Variants in DHX38 observed in about 807,000 individuals in gnomAD.
DHX38 encodes DEAH-box helicase 38.
Under a neutral mutation model 153.1 loss-of-function variants are expected in DHX38, and 100 were observed. That is an observed-to-expected ratio of 0.65 (90% CI 0.56 to 0.77). The LOEUF (loss-of-function observed/expected upper bound fraction) is 0.77, where lower values mean the gene tolerates loss of function less well. Ranked by LOEUF, DHX38 falls within the 30% of genes least tolerant of loss-of-function variation. DHX38 has a pLI of 0.00. For synonymous variants in DHX38, 650 were observed against 631.7 expected, an observed-to-expected ratio of 1.03 and a Z score of -0.43; for missense variants, 1,440 against 1,654.0, an observed-to-expected ratio of 0.87 and a Z score of 2.24.
At chr16:72,109,596 CCAA>C in intron 25 of DHX38, 86 bp downstream of exon 25, 10 of 1,263,096 alleles carry the variant, frequency 7.9e-6, no homozygotes, top group Non-Finnish European at 1.1e-5. Flanking sequence ...TTGCGGTCAT[CCAA>C]CCCACTTACT....
rs2042270973 is a variant in DHX38, at chr16:72,112,510, C to G, written c.*13C>G. On this transcript the variant is annotated 3_prime_UTR_variant, in exon 27 of 27. Transcript: ENST00000268482. ...CTTTGGTCTGTGAGCTGAGGCTGTC[C>G]CCAGAGAGGATGGCAGCAGGTATTG... The G allele has an allele frequency of 1.2e-6, 2 of 1,611,432 alleles. No homozygotes were observed. Among genetic ancestry groups the G allele is most frequent in the Non-Finnish European group, 1.7e-6 (2 of 1,179,924 alleles).
In DHX38 at chr16:72,104,299, C is replaced by G. The variant is rs943359439; in HGVS notation, c.2010+168C>G. On this transcript the variant is annotated intron_variant, in intron 14 of 26. Coordinates refer to ENST00000268482, the MANE Select transcript of DHX38 (RefSeq NM_014003.4). The surrounding 1 kb of genome is among the most constrained non-coding windows in gnomAD (Gnocchi z 4.5). Reference sequence around the variant, plus strand: ...GGTTGTAGTTCATGCTGTTCTTGCTCTGCTGAGGGTGGCTTGGGGTTTTCT... The same window carrying G: ...GGTTGTAGTTCATGCTGTTCTTGCTGTGCTGAGGGTGGCTTGGGGTTTTCT... 5.9e-6 allele frequency: 7 copies of G among 1,186,458 alleles called. No individual in the cohort carries two copies. In the South Asian group the frequency reaches 6.2e-5, roughly 11 times the overall value. The allele number at this position is 1,186,458 out of a possible 1,614,324, so 73.5% of individuals were successfully genotyped here.
At chr16:72,111,154 G>T in intron 26 of DHX38, 77 bp downstream of exon 26, 1 of 1,464,304 alleles carries the variant, frequency 6.8e-7, no homozygotes, top group Non-Finnish European at 9.0e-7. Context: ...CCTGATGCAG[G>T]GTCAGGATTT....
rs540884444 is a variant in DHX38, at chr16:72,104,754, A to C, written c.2151+128A>C. On this transcript the variant is annotated intron_variant, in intron 15 of 26. Coordinates refer to ENST00000268482, the MANE Select transcript of DHX38 (RefSeq NM_014003.4). This position sits in a 1 kb window ranked among gnomAD's most constrained non-coding sequence, Gnocchi z 4.5. The stretch of plus-strand genomic sequence containing the variant: ...AAGATTTCCTGGGGACCATGGGGCA[A>C]ATGGGGCAGCCTGCAGCTCTGGGAC... The C allele has an allele frequency of 4.5e-6, 6 of 1,337,320 alleles. No homozygotes were observed. Among genetic ancestry groups the C allele is most frequent in the Non-Finnish European group, 6.2e-6 (6 of 960,458 alleles). 82.8% of individuals were successfully genotyped at this position (1,337,320 alleles called of 1,614,324 possible).
chr16:72,103,496 C>T, intron 12 of DHX38, 106 bp from the exon 13 acceptor site: 8 of 1,304,500 alleles, frequency 6.1e-6, no homozygotes, highest in African/African-American at 1.5e-5. Flanking sequence ...CCGGCATGCT[C>T]CCTGGATAGC....
rs557516542 is a variant in DHX38 at position 72,100,551 on chromosome 16, A to G, written c.1232A>G (p.Asn411Ser). ...NAAKVHLMVH[N>S]LVPPFLDGRI... The stretch of plus-strand genomic sequence containing the variant: ...GCCAAGGTGCATCTGATGGTGCACA[A>G]TCTGGTGCCTCCCTTTCTGGATGGG... Residue 411 changes from asparagine (N) to serine (S), a missense_variant, in exon 9 of 27, where the codon AAT (asparagine) becomes AGT (serine). By Grantham distance (46) the Asn-to-Ser change is conservative. This residue lies in a region of DHX38 where 77 missense variants were observed against 125.4 expected (regional missense o/e 0.61). Transcript: ENST00000268482. The G allele has an allele frequency of 1.2e-5, 20 of 1,614,136 alleles. No individual in the cohort carries two copies. Among genetic ancestry groups the G allele is most frequent in the East Asian group, 2.2e-5 (1 of 44,864 alleles).
chr16:72,111,002 A>C lies in DHX38; in HGVS notation c.3524A>C (p.Glu1175Ala). ...GAGGAAGCCTCTGCCATGGAGGAGG[A>C]GATGGCGCTGGCCGAGGAGCAGCTG... ...AKEEASAMEEEMALAEEQLRA... is the reference protein window; with the variant it reads ...AKEEASAMEEAMALAEEQLRA... Residue 1175 changes from glutamate to alanine, a missense_variant, in exon 26 of 27, where the codon GAG becomes GCG. Physicochemically the swap from Glu to Ala is moderately radical, Grantham distance 107. Coordinates refer to ENST00000268482, the MANE Select transcript of DHX38 (RefSeq NM_014003.4). 1.9e-6 allele frequency: 3 copies of C among 1,587,412 alleles called. No homozygotes were observed. The highest frequency in any genetic ancestry group is 1.7e-6 in the Non-Finnish European group (2 of 1,166,708).
At chr16:72,102,034 A>G (rs1013546180) in intron 11 of DHX38, among the ~76,000 whole-genome samples, 12 of 152,216 alleles carry the variant, frequency 7.9e-5, no homozygotes, top group African/African-American at 2.9e-4. Flanking sequence ...TATTTTTAAA[A>G]GAGGTTCCAA....
chr16:72,108,368 A>G lies in DHX38; in HGVS notation c.3106A>G (p.Lys1036Glu), dbSNP rs1269925684. The G allele has an allele frequency of 6.2e-7, 1 of 1,614,014 alleles. No homozygotes were observed. The highest frequency in any genetic ancestry group is 8.5e-7 in the Non-Finnish European group (1 of 1,180,028). Residue 1036 changes from lysine (K) to glutamate (E), a missense_variant, in exon 22 of 27, where the codon AAG (lysine) becomes GAG (glutamate). By Grantham distance (56) the Lys-to-Glu change is moderately conservative (BLOSUM62 1). Around this residue, in one of 6 missense-constraint regions of DHX38, gnomAD observed 543 missense variants for 717.9 expected, o/e 0.76. Transcript: ENST00000268482. ...GTGTAACGATCATTTCATCCATGCT[A>G]AGGCCATGCGGAAGGTAGAGTGGTG... ...IWCNDHFIHA[K>E]AMRKVREVRA...
Position 72,099,064 on chromosome 16 carries a change from C to T in DHX38, c.883+19C>T. On this transcript the variant is annotated intron_variant, in intron 6 of 26. Transcript: ENST00000268482. ...GGCCGAGGTGAGGCCTGTGGGGCAGCAGGCAGAAGAGCAGGCTTGCTTGCC... is the reference window on the plus strand; with the variant it reads ...GGCCGAGGTGAGGCCTGTGGGGCAGTAGGCAGAAGAGCAGGCTTGCTTGCC... 1 of 1,611,816 alleles carries T rather than the reference C, an allele frequency of 6.2e-7. No individual in the cohort carries two copies. The highest frequency in any genetic ancestry group is 8.5e-7 in the Non-Finnish European group (1 of 1,179,576).
rs905491103 is a variant in DHX38, at chr16:72,097,435, T to A, written c.512-242T>A. On this transcript the variant is annotated intron_variant, in intron 3 of 26. Transcript: ENST00000268482. ...AAAATGATTCACTGTAAACTCGCAC[T>A]AGTATTTTTTGAATTCTTGCTGGAA... 8 of 505,486 alleles carry A rather than the reference T, an allele frequency of 1.6e-5. No homozygotes were observed. In the East Asian group the frequency reaches 2.0e-4, roughly 12 times the overall value. The allele number at this position is 505,486 out of a possible 1,614,324, so 31.3% of individuals were successfully genotyped here.
At position 72,110,906 on chromosome 16, in the gene DHX38, T is replaced by G. The variant is rs942779101; in HGVS notation, c.3478-50T>G. ...GGACTTGGGTGCCGACGAGGCCTCC[T>G]TCCTTAGTGGTCCCCAGTAGGCTCA... On this transcript the variant is annotated intron_variant, in intron 25 of 26. Transcript: ENST00000268482. 5 of 1,530,996 alleles carry G rather than the reference T, an allele frequency of 3.3e-6. No individual in the cohort carries two copies. In the African/African-American group the frequency reaches 6.9e-5, roughly 21 times the overall value. 94.8% of individuals were successfully genotyped at this position (1,530,996 alleles called of 1,614,324 possible).
intron 2 of DHX38, 28 bp downstream of exon 2, chr16:72,096,508 G>T: frequency 6.4e-7 from 1 of 1,568,918 alleles, no homozygotes. Context: ...GGTTAGCCCA[G>T]AGGGAAGCGA....
At chr16:72,106,928 T>C (rs1446840401) in intron 19 of DHX38, among the ~76,000 whole-genome samples, 1 of 152,046 alleles carries the variant, frequency 6.6e-6, no homozygotes, top group Admixed American at 6.6e-5. Context: ...CCTGGCACTT[T>C]GGGAGGCCGA....
chr16:72,108,143 G>A, intron 21 of DHX38, 84 bp from the exon 22 acceptor site: 1 of 1,465,200 alleles, frequency 6.8e-7, no homozygotes, highest in Admixed American at 1.8e-5. Context: ...GTGTGGGTAG[G>A]TGGTAGTGTT....
chr16:72,108,352 T>A lies in DHX38; in HGVS notation c.3090T>A (p.Asp1030Glu). 2 of 1,614,142 alleles carry A rather than the reference T, an allele frequency of 1.2e-6. No individual in the cohort carries two copies. The highest frequency in any genetic ancestry group is 1.1e-5 in the South Asian group (1 of 91,072). ...ATTACTCCACCATCTGGTGTAACGA[T>A]CATTTCATCCATGCTAAGGCCATGC... ...NNNYSTIWCN[D>E]HFIHAKAMRK... Residue 1030 changes from aspartate (D) to glutamate (E), a missense_variant, in exon 22 of 27, where the codon GAT becomes GAA. This residue lies in a region of DHX38 where 543 missense variants were observed against 717.9 expected (regional missense o/e 0.76). Coordinates refer to ENST00000268482, the MANE Select transcript of DHX38 (RefSeq NM_014003.4).
chr16:72,103,354 G>T lies in DHX38; in HGVS notation c.1637+143G>T, dbSNP rs2042126464. On this transcript the variant is annotated intron_variant, in intron 12 of 26. Transcript: ENST00000268482. ...TTTTTTCCTCTGACCTCATGCCTGG[G>T]GTACACTGCACAAAGTAACGGGATG... The T allele has an allele frequency of 7.5e-6, 9 of 1,204,118 alleles. No homozygotes were observed. In the South Asian group the frequency reaches 1.4e-4, roughly 19 times the overall value. 74.6% of individuals were successfully genotyped at this position (1,204,118 alleles called of 1,614,324 possible).
rs1211077003 is a variant in DHX38, at chr16:72,108,245, G to C, written c.2983G>C (p.Asp995His). The C allele has an allele frequency of 6.2e-6, 10 of 1,614,098 alleles. No homozygotes were observed. Among genetic ancestry groups the C allele is most frequent in the Non-Finnish European group, 8.5e-6 (10 of 1,180,022 alleles). The change falls in exon 22 of 27, where the codon GAT becomes CAT. Residue 995 changes from aspartate (D) to histidine (H), a missense_variant. This residue lies in a region of DHX38 where 543 missense variants were observed against 717.9 expected (regional missense o/e 0.76). Transcript: ENST00000268482. ...YRPKGREEES[D>H]QIREKFAVPE... The stretch of plus-strand genomic sequence containing the variant: ...TTCCTAGGGTCGAGAGGAGGAGAGT[G>C]ATCAAATCCGGGAGAAGTTCGCTGT...
chr16:72,105,707 C>A, intron 18 of DHX38, 83 bp downstream of exon 18: 1 of 1,374,240 alleles, frequency 7.3e-7, no homozygotes, highest in South Asian at 1.2e-5. Flanking sequence ...GGCCTCGCTC[C>A]TGGCCCTGGG....
Sources: gnomAD v4.1 joint callset for allele counts (sites outside exome capture counted in the v4.1 genomes callset) on GRCh38, gnomAD v4.1.1 for gene constraint, gnomAD v4.1.1 regional missense constraint, Gnocchi (gnomAD v3.1) non-coding constraint, MANE v1.5 for transcripts, NCBI Gene and HGNC (gene_info 2026-07-23, HGNC 2026-07-21) for gene names.